The following GARIN2 variants were observed in gnomAD, a reference collection of about 807,000 sequenced individuals.
The protein encoded by GARIN2 is golgi associated RAB2 interactor family member 2, also known as Golgi-associated RAB2 interactor protein 2.
chr14:67,215,704 T>C, the GARIN2 span, among the ~76,000 whole-genome samples: 1 of 152,186 alleles, frequency 6.6e-6, no homozygotes, highest in Non-Finnish European at 1.5e-5. Flanking sequence ...GTAAGGTTTA[T>C]TTAAAAAAAC....
the GARIN2 span, chr14:67,204,794 C>T: frequency 6.0e-5 from 97 of 1,613,824 alleles, no homozygotes; most frequent in African/African-American, 2.1e-4. Context: ...ATGGATGTGA[C>T]GGATGTCACC....
At chr14:67,215,164 C>T in the GARIN2 span, among the ~76,000 whole-genome samples, 16 of 152,110 alleles carry the variant, frequency 1.1e-4, no homozygotes, top group Non-Finnish European at 2.1e-4. Context: ...AAGGATTCCC[C>T]TCTCATAATG....
the GARIN2 span, among the ~76,000 whole-genome samples, chr14:67,195,988 G>A: frequency 6.6e-6 from 1 of 152,148 alleles, no homozygotes; most frequent in African/African-American, 2.4e-5. Context: ...GTTTCGCCAT[G>A]TTGGCCAGGC....
the GARIN2 span, among the ~76,000 whole-genome samples, chr14:67,201,919 TG>T: frequency 3.2e-4 from 49 of 152,204 alleles, no homozygotes; most frequent in Non-Finnish European, 2.6e-4. Context: ...GAGATTTTAC[TG>T]GCCAAGTTTC....
the GARIN2 span, chr14:67,225,056 C>G: frequency 2.6e-5 from 36 of 1,380,852 alleles, no homozygotes; most frequent in Non-Finnish European, 3.1e-5. Flanking sequence ...TTTTTTCTTT[C>G]TCACTTCCTC....
chr14:67,204,263 C>T, the GARIN2 span, among the ~76,000 whole-genome samples: 2 of 152,044 alleles, frequency 1.3e-5, no homozygotes, highest in South Asian at 2.1e-4. Flanking sequence ...ATGGTGAAAC[C>T]TTGTCTCTAC....
chr14:67,212,602 T>A, the GARIN2 span, among the ~76,000 whole-genome samples: 3,302 of 131,256 alleles, frequency 0.025, 55 homozygotes, highest in Middle Eastern at 0.062. Flanking sequence ...AAAAAAAATA[T>A]ATATATATAT....
chr14:67,204,022 T>G, the GARIN2 span, among the ~76,000 whole-genome samples: 2 of 152,010 alleles, frequency 1.3e-5, no homozygotes, highest in Admixed American at 6.6e-5. Flanking sequence ...CATTCAGACG[T>G]TTTTATACAT....
chr14:67,219,090 C>T, the GARIN2 span, among the ~76,000 whole-genome samples: 3 of 151,994 alleles, frequency 2.0e-5, no homozygotes, highest in Non-Finnish European at 4.4e-5. Flanking sequence ...CAGTTTGGCT[C>T]ACAGGTGGTG....
the GARIN2 span, chr14:67,204,813 A>G: frequency 6.2e-7 from 1 of 1,614,038 alleles, no homozygotes; most frequent in Non-Finnish European, 8.5e-7. Context: ...CCACGTTCAC[A>G]GCCATCCTGA....
At chr14:67,224,909 C>A in the GARIN2 span, 1 of 433,218 alleles carries the variant, frequency 2.3e-6, no homozygotes, top group Non-Finnish European at 4.0e-6. Flanking sequence ...AGGGAACCTG[C>A]TTGTGAAATT....
the GARIN2 span, chr14:67,203,420 T>G: frequency 9.8e-4 from 717 of 731,370 alleles, 2 homozygotes; most frequent in Non-Finnish European, 1.2e-3. Context: ...CTGCTGCAAA[T>G]GACAAAGAGG....
At chr14:67,223,972 G>A in the GARIN2 span, 11 of 984,668 alleles carry the variant, frequency 1.1e-5, no homozygotes, top group Admixed American at 6.2e-5. Context: ...TATTATAGGC[G>A]GAAATCAGAA....
chr14:67,215,737 C>T, the GARIN2 span, among the ~76,000 whole-genome samples: 349 of 152,240 alleles, frequency 2.3e-3, 9 homozygotes, highest in East Asian at 0.015. Flanking sequence ...ATCCATCCAA[C>T]TTAGCAATTT....
chr14:67,204,540 T>G, the GARIN2 span: 1 of 1,611,982 alleles, frequency 6.2e-7, no homozygotes, highest in Non-Finnish European at 8.5e-7. Context: ...TTTGCAGGTT[T>G]CTCCCTCTGC....
the GARIN2 span, among the ~76,000 whole-genome samples, chr14:67,225,995 T>G: frequency 6.8e-6 from 1 of 146,764 alleles, no homozygotes; most frequent in East Asian, 2.0e-4. Context: ...GCGTGCATGC[T>G]CATAAGGGCT....
At chr14:67,215,041 G>T in the GARIN2 span, among the ~76,000 whole-genome samples, 1 of 152,158 alleles carries the variant, frequency 6.6e-6, no homozygotes, top group Non-Finnish European at 1.5e-5. Flanking sequence ...TGCTGAAGTT[G>T]CTTGTCAGCT....
At chr14:67,217,491 A>G in the GARIN2 span, among the ~76,000 whole-genome samples, 9,796 of 152,050 alleles carry the variant, frequency 0.064, 595 homozygotes, top group African/African-American at 0.16. Context: ...TTTGCTCCTT[A>G]CTTCTCTTAT....
chr14:67,213,248 T>C, the GARIN2 span, among the ~76,000 whole-genome samples: 1 of 150,680 alleles, frequency 6.6e-6, no homozygotes, highest in South Asian at 2.1e-4. Flanking sequence ...TGTGCCATGC[T>C]GGTGTGCTGC....
Sources: allele counts gnomAD v4.1 joint callset (sites outside exome capture counted in the v4.1 genomes callset), GRCh38; gene constraint gnomAD v4.1.1; transcripts MANE v1.5; gene names NCBI Gene and HGNC (gene_info 2026-07-23, HGNC 2026-07-21).